The following NFIB variants were observed in gnomAD, a reference collection of about 807,000 sequenced individuals.
NFIB encodes the protein nuclear factor I B.
NFIB carries 11 observed loss-of-function variants against 61.5 expected under a neutral mutation model. The ratio of observed to expected loss-of-function variants is 0.18; its 90% confidence interval spans 0.11 to 0.30. The LOEUF is 0.30. Ranked by LOEUF, NFIB falls within the 10% of genes least tolerant of loss-of-function variation. The pLI, the probability that NFIB is intolerant of heterozygous loss-of-function variation, is 1.00. For synonymous variants in NFIB, 260 were observed against 216.5 expected (o/e 1.20, Z -1.76); for missense variants, 471 against 608.9 (o/e 0.77, Z 2.38).
chr9:14,440,632 G>C, the NFIB span, among the ~76,000 whole-genome samples: 1 of 152,094 alleles, frequency 6.6e-6, no homozygotes, highest in Non-Finnish European at 1.5e-5. Context: ...TGATAATCTT[G>C]TGATTCAAAA....
At chr9:14,097,244 G>T (rs2034935885) in intron 10 of NFIB, among the ~76,000 whole-genome samples, 2 of 152,112 alleles carry the variant, frequency 1.3e-5, no homozygotes, top group Non-Finnish European at 2.9e-5. Flanking sequence ...TTTGGTTTTT[G>T]CAATTCTCCA....
At chr9:14,395,833 T>G (rs1303726814) in intron 1 of NFIB, among the ~76,000 whole-genome samples, 2 of 150,252 alleles carry the variant, frequency 1.3e-5, no homozygotes, top group East Asian at 4.0e-4. Flanking sequence ...GTCCCATCTG[T>G]TCCTGCAGGC....
chr9:14,471,885 T>A, the NFIB span, among the ~76,000 whole-genome samples: 1 of 152,204 alleles, frequency 6.6e-6, no homozygotes, highest in Non-Finnish European at 1.5e-5. Context: ...CTGAAGTGAT[T>A]GATCCACCTG....
the NFIB span, among the ~76,000 whole-genome samples, chr9:14,420,644 C>A: frequency 6.6e-6 from 1 of 151,988 alleles, no homozygotes; most frequent in Non-Finnish European, 1.5e-5. Context: ...TGCTGTCAAC[C>A]TGGTAACCCT....
At chr9:14,414,550 G>A in the NFIB span, among the ~76,000 whole-genome samples, 410 of 132,676 alleles carry the variant, frequency 3.1e-3, 2 homozygotes, top group Non-Finnish European at 4.9e-3. Context: ...TTTAGTGACC[G>A]TAAGTAGATG....
intron 2 of NFIB, among the ~76,000 whole-genome samples, chr9:14,206,753 C>G (rs1263562485): frequency 7.1e-6 from 1 of 141,410 alleles, no homozygotes; most frequent in Non-Finnish European, 1.5e-5. Context: ...TTGCCTGTGT[C>G]TTAGTTTCAG....
At chr9:14,390,370 A>G (rs1297416552) in intron 1 of NFIB, among the ~76,000 whole-genome samples, 1 of 152,218 alleles carries the variant, frequency 6.6e-6, no homozygotes, top group Non-Finnish European at 1.5e-5. Flanking sequence ...GGGGGAAAGG[A>G]ATGTACAAGA....
At chr9:14,451,834 G>T in the NFIB span, among the ~76,000 whole-genome samples, 124,935 of 152,024 alleles carry the variant, frequency 0.82, 51,571 homozygotes, top group East Asian at 0.94. Flanking sequence ...TCATGAAAAT[G>T]TTTATTTTCA....
At chr9:14,151,977 A>G (rs1163541148) in intron 4 of NFIB, among the ~76,000 whole-genome samples, 5 of 152,084 alleles carry the variant, frequency 3.3e-5, no homozygotes, top group Non-Finnish European at 7.4e-5. Flanking sequence ...TTTTTAATGA[A>G]TATTCTAAAT....
At chr9:14,118,764 TTTTC>T in intron 8 of NFIB, among the ~76,000 whole-genome samples, 1 of 146,490 alleles carries the variant, frequency 6.8e-6, no homozygotes, top group South Asian at 2.3e-4. Context: ...TAGTTTTTCT[TTTTC>T]TTTTTTTTTT....
At chr9:14,526,833 GA>G in the NFIB span, among the ~76,000 whole-genome samples, 3 of 152,128 alleles carry the variant, frequency 2.0e-5, no homozygotes, top group African/African-American at 7.2e-5. Flanking sequence ...ATAGATAGAA[GA>G]GATAACTCTC....
chr9:14,285,414 G>A (rs892045352), intron 2 of NFIB, among the ~76,000 whole-genome samples: 4 of 152,144 alleles, frequency 2.6e-5, no homozygotes, highest in Admixed American at 6.5e-5. Flanking sequence ...GAGCCATCGC[G>A]CCCAGTCCTA....
chr9:14,483,330 T>A, the NFIB span, among the ~76,000 whole-genome samples: 1 of 152,126 alleles, frequency 6.6e-6, no homozygotes, highest in Non-Finnish European at 1.5e-5. Flanking sequence ...ATATATAGAA[T>A]ACATTAAAGT....
rs988828129 is a variant in NFIB at position 14,280,972 on chromosome 9, T to C, written c.562+26017A>G. Among the ~76,000 whole-genome samples, 38 of 152,192 alleles carry C rather than the reference T, an allele frequency of 2.5e-4. 1 individual carries two copies. Among genetic ancestry groups the C allele is most frequent in the Admixed American group, 3.9e-4 (6 of 15,272 alleles). On this transcript the variant is annotated intron_variant, in intron 2 of 10. Transcript: ENST00000380953. ...AATACTTCATATGCAAAGGCAATTA[T>C]GGCAATACATAAGTTACATAGCTCT...
chr9:14,245,603 T>C (rs925872541), intron 2 of NFIB, among the ~76,000 whole-genome samples: 1 of 152,188 alleles, frequency 6.6e-6, no homozygotes, highest in Non-Finnish European at 1.5e-5. Flanking sequence ...CCGGGCTCAG[T>C]GGCTCACGAC....
chr9:14,088,606 A>G (rs2033267225), intron 10 of NFIB, among the ~76,000 whole-genome samples: 1 of 152,102 alleles, frequency 6.6e-6, no homozygotes, highest in Admixed American at 6.6e-5. Context: ...CCGATTGAGG[A>G]TATTCTAAAA....
chr9:14,203,101 A>G (rs1325666782), intron 2 of NFIB, among the ~76,000 whole-genome samples: 1 of 152,036 alleles, frequency 6.6e-6, no homozygotes, highest in Non-Finnish European at 1.5e-5. Flanking sequence ...TATATAAGTG[A>G]TTTTTACCTC....
chr9:14,394,465 G>T (rs898034521), intron 1 of NFIB, among the ~76,000 whole-genome samples: 3 of 152,188 alleles, frequency 2.0e-5, no homozygotes, highest in African/African-American at 7.2e-5. Flanking sequence ...AGAAGCAAAG[G>T]CATGTCTTAC....
the NFIB span, among the ~76,000 whole-genome samples, chr9:14,518,697 G>C: frequency 6.6e-6 from 1 of 152,108 alleles, no homozygotes; most frequent in East Asian, 1.9e-4. Context: ...CCAAGTTGTA[G>C]AGGAAGGGAA....
Sources: gnomAD v4.1 joint callset for allele counts (sites outside exome capture counted in the v4.1 genomes callset) on GRCh38, gnomAD v4.1.1 for gene constraint, MANE v1.5 for transcripts, NCBI Gene and HGNC (gene_info 2026-07-23, HGNC 2026-07-21) for gene names.